The following SLC17A1 variants were observed in gnomAD, a reference collection of about 807,000 sequenced individuals.
SLC17A1 encodes the protein sodium-dependent phosphate transport protein 1.
SLC17A1 carries 51 observed loss-of-function variants against 53.5 expected under a neutral mutation model. The ratio of observed to expected loss-of-function variants is 0.95; its 90% CI spans 0.76 to 1.20. SLC17A1 has a LOEUF of 1.20. SLC17A1 is among the 50% of genes most tolerant of loss of function. The pLI is 0.00. For missense variants in SLC17A1, 538 were observed against 568.2 expected (o/e 0.95, Z 0.54); for synonymous variants, 179 against 198.8 (o/e 0.90, Z 0.84).
chr6:25,765,804 T>C, the SLC17A1 span, among the ~76,000 whole-genome samples: 7 of 152,012 alleles, frequency 4.6e-5, no homozygotes, highest in Non-Finnish European at 7.4e-5. Context: ...AGAAATTACA[T>C]AGAAAAATGA....
At chr6:25,777,101 A>G in the SLC17A1 span, 2 of 925,052 alleles carry the variant, frequency 2.2e-6, no homozygotes, top group Non-Finnish European at 3.2e-6. Flanking sequence ...CTACATCTAA[A>G]TAATTCCTGG....
chr6:25,798,619 G>T, intron 12 of SLC17A1, 164 bp downstream of exon 12: 1 of 509,252 alleles, frequency 2.0e-6, no homozygotes, highest in Non-Finnish European at 3.2e-6. Flanking sequence ...TCCCCACAGA[G>T]TCCCACAGCC....
the SLC17A1 span, chr6:25,769,088 G>A: frequency 5.0e-5 from 81 of 1,613,936 alleles, no homozygotes; most frequent in Middle Eastern, 1.6e-4. Context: ...CAGCTATGGT[G>A]AACAACACAG....
chr6:25,806,508 T>C (rs1763958687), intron 10 of SLC17A1, among the ~76,000 whole-genome samples: 1 of 152,098 alleles, frequency 6.6e-6, no homozygotes, highest in South Asian at 2.1e-4. Flanking sequence ...GTTAACATTT[T>C]ACTGGAATTC....
At chr6:25,773,784 C>T in the SLC17A1 span, 3 of 1,104,384 alleles carry the variant, frequency 2.7e-6, no homozygotes, top group Non-Finnish European at 3.9e-6. Context: ...GGATTAGGAC[C>T]AGGCAGGACC....
At chr6:25,770,363 G>T in the SLC17A1 span, 1 of 1,613,948 alleles carries the variant, frequency 6.2e-7, no homozygotes, top group African/African-American at 1.3e-5. Context: ...AGATCTCCAA[G>T]AATGGAATTT....
At chr6:25,818,378 G>A (rs892014375) in intron 6 of SLC17A1, among the ~76,000 whole-genome samples, 5 of 152,094 alleles carry the variant, frequency 3.3e-5, no homozygotes, top group African/African-American at 7.2e-5. Context: ...CTCCTGTATC[G>A]CTAGCCCCAG....
chr6:25,775,311 A>G, the SLC17A1 span, among the ~76,000 whole-genome samples: 1 of 142,992 alleles, frequency 7.0e-6, no homozygotes, highest in Non-Finnish European at 1.5e-5. Context: ...CAGCCTGGGC[A>G]ACAAGAGCTA....
chr6:25,779,582 A>C (rs886980715), downstream of SLC17A1: 1 of 169,144 alleles, frequency 5.9e-6, no homozygotes, highest in East Asian at 1.7e-4. Flanking sequence ...AGCCCCAAAC[A>C]ACAGAAAGCA....
the SLC17A1 span, chr6:25,777,012 C>T: frequency 4.5e-6 from 7 of 1,543,356 alleles, no homozygotes; most frequent in Non-Finnish European, 6.1e-6. Flanking sequence ...AGTCTAGCAG[C>T]CCTAAATCTA....
At chr6:25,727,394 TA>T in the SLC17A1 span, 1 of 1,003,696 alleles carries the variant, frequency 1.0e-6, no homozygotes, top group Non-Finnish European at 1.4e-6. Flanking sequence ...TTTCTAACCG[TA>T]AGGGTTTTTT....
the SLC17A1 span, among the ~76,000 whole-genome samples, chr6:25,727,933 C>A: frequency 6.6e-6 from 1 of 152,058 alleles, no homozygotes; most frequent in Non-Finnish European, 1.5e-5. Context: ...AAGAGAATCG[C>A]TTGAACCCAG....
intron 11 of SLC17A1, 110 bp from the exon 12 acceptor site, chr6:25,799,029 G>C: frequency 2.0e-6 from 2 of 1,019,642 alleles, no homozygotes; most frequent in Non-Finnish European, 1.4e-6. Context: ...TAACAAATAT[G>C]GAAAAACATA....
Position 25,830,614 on chromosome 6 carries a change from G to C in SLC17A1, c.-50-7C>G, listed in dbSNP as rs1764912896. ...AGGGTTTTGCCTCCACCCACTGTGA[G>C]TGCAAAACACGTTGATGTCAGCATA... On this transcript the variant is annotated splice_polypyrimidine_tract_variant and splice_region_variant and intron_variant, in intron 1 of 12. Transcript: ENST00000244527. 7 of 1,603,774 alleles carry C rather than the reference G, an allele frequency of 4.4e-6. No homozygotes were observed. Among genetic ancestry groups the C allele is most frequent in the Non-Finnish European group, 5.1e-6 (6 of 1,171,226 alleles).
At chr6:25,771,951 A>G in the SLC17A1 span, among the ~76,000 whole-genome samples, 1 of 152,116 alleles carries the variant, frequency 6.6e-6, no homozygotes, top group Non-Finnish European at 1.5e-5. Flanking sequence ...AGCTGCTGTT[A>G]CCTTTAGTTT....
chr6:25,819,988 G>T, intron 3 of SLC17A1, 73 bp from the exon 4 acceptor site: 1 of 1,046,648 alleles, frequency 9.6e-7, no homozygotes. Flanking sequence ...GGGATTCAGG[G>T]AAACTGTTCT....
At chr6:25,791,335 T>C (rs1355819138) in intron 12 of SLC17A1, among the ~76,000 whole-genome samples, 1 of 152,166 alleles carries the variant, frequency 6.6e-6, no homozygotes, top group Non-Finnish European at 1.5e-5. Flanking sequence ...AAAGTGAAAA[T>C]GATGTTTTTT....
the SLC17A1 span, chr6:25,727,120 T>G: frequency 6.2e-7 from 1 of 1,614,178 alleles, no homozygotes; most frequent in South Asian, 1.1e-5. Context: ...GTCACTGATA[T>G]CTTTGAGCGT....
the SLC17A1 span, among the ~76,000 whole-genome samples, chr6:25,767,781 CAGG>C: frequency 6.6e-6 from 1 of 152,058 alleles, no homozygotes; most frequent in Non-Finnish European, 1.5e-5. Flanking sequence ...TTAAATTACC[CAGG>C]AGAATGAAAT....
Sources: gnomAD v4.1 joint callset for allele counts (sites outside exome capture counted in the v4.1 genomes callset) on GRCh38, gnomAD v4.1.1 for gene constraint, MANE v1.5 for transcripts, NCBI Gene and HGNC (gene_info 2026-07-23, HGNC 2026-07-21) for gene names.